Variants in ABCA13 observed in about 807,000 individuals in gnomAD.
The protein encoded by ABCA13 is ATP-binding cassette sub-family A member 13.
Under a neutral mutation model 478.7 loss-of-function variants are expected in ABCA13, and 476 were observed. The ratio of observed to expected loss-of-function variants is 0.99; its 90% CI spans 0.92 to 1.07. ABCA13 has a LOEUF of 1.07. Ranked by LOEUF, ABCA13 falls within the 50% of genes least tolerant of loss-of-function variation. ABCA13 has a pLI of 0.00. For synonymous variants in ABCA13, 2,252 were observed against 2,158.9 expected (o/e 1.04, Z -1.20); for missense variants, 6,060 against 5,910.6 (o/e 1.03, Z -0.83).
intron 34 of ABCA13, among the ~76,000 whole-genome samples, chr7:48,375,293 T>G (rs1467001707): frequency 6.6e-6 from 1 of 152,210 alleles, no homozygotes; most frequent in Non-Finnish European, 1.5e-5. Flanking sequence ...TAGATGATTG[T>G]TGACCTGGGA....
intron 27 of ABCA13, among the ~76,000 whole-genome samples, chr7:48,326,593 T>C (rs1181077367): frequency 6.6e-6 from 1 of 152,204 alleles, no homozygotes; most frequent in East Asian, 1.9e-4. Context: ...CATACACGTT[T>C]TGCAGGTAAA....
At chr7:48,499,089 A>G (rs1585602602) in intron 48 of ABCA13, among the ~76,000 whole-genome samples, 1 of 152,284 alleles carries the variant, frequency 6.6e-6, no homozygotes, top group Non-Finnish European at 1.5e-5. Context: ...TCTTTACCCT[A>G]TTTAAAAATG....
intron 16 of ABCA13, among the ~76,000 whole-genome samples, chr7:48,271,043 C>A (rs559016576): frequency 6.6e-6 from 1 of 152,156 alleles, no homozygotes; most frequent in Non-Finnish European, 1.5e-5. Context: ...CTGTCCCAGC[C>A]CTCACTGAGA....
chr7:48,600,765 T>C (rs1241548925), intron 58 of ABCA13, among the ~76,000 whole-genome samples: 1 of 152,160 alleles, frequency 6.6e-6, no homozygotes, highest in African/African-American at 2.4e-5. Flanking sequence ...CTTTATACAC[T>C]TTTAAATCTT....
intron 48 of ABCA13, among the ~76,000 whole-genome samples, chr7:48,490,184 G>C (rs1829716047): frequency 6.6e-6 from 1 of 152,028 alleles, no homozygotes; most frequent in Non-Finnish European, 1.5e-5. Context: ...AATGCTAATA[G>C]GTAATGTAAA....
chr7:48,337,148 C>T (rs1312501649), intron 28 of ABCA13, among the ~76,000 whole-genome samples: 1 of 152,128 alleles, frequency 6.6e-6, no homozygotes. Flanking sequence ...GGATCATGCT[C>T]AAGGGAACTC....
chr7:48,400,749 T>A (rs1444253858), intron 38 of ABCA13, among the ~76,000 whole-genome samples: 2 of 152,252 alleles, frequency 1.3e-5, no homozygotes, highest in East Asian at 3.9e-4. Context: ...GTTCAGACAT[T>A]GTTTTGCTGA....
At chr7:48,614,481 T>A (rs1203606707) in intron 58 of ABCA13, among the ~76,000 whole-genome samples, 2 of 151,156 alleles carry the variant, frequency 1.3e-5, no homozygotes, top group East Asian at 3.9e-4. Context: ...GTGTAGCGAT[T>A]CTTCAGGGAT....
rs765076846 is a variant in ABCA13 at position 48,455,122 on chromosome 7, C to T, written c.12651C>T (p.Arg4217=). ...CCGCGATCCTGGCCCGGAGGCTCCG[C>T]CGCACGCTGCGCGCCGGGAAGAGCA... The part of the protein sequence containing the change: ...QVAAILARRL[R]RTLRAGKSTL... Residue 4217 remains arginine (R), a synonymous_variant, in exon 43 of 62, where the codon CGC becomes CGT. Coordinates refer to ENST00000435803, the MANE Select transcript of ABCA13 (RefSeq NM_152701.5). 10 of 1,563,028 alleles carry T rather than the reference C, an allele frequency of 6.4e-6. No homozygotes were observed. The Admixed American group carries it at 1.5e-4, about 24-fold the overall frequency.
intron 31 of ABCA13, among the ~76,000 whole-genome samples, chr7:48,356,721 A>G (rs958031069): frequency 1.3e-5 from 2 of 151,926 alleles, no homozygotes; most frequent in Non-Finnish European, 2.9e-5. Context: ...GACTGTAGAG[A>G]TGGATAGGCA....
chr7:48,263,971 G>GCCCT (rs1169926205), intron 15 of ABCA13, among the ~76,000 whole-genome samples: 1 of 151,800 alleles, frequency 6.6e-6, no homozygotes, highest in African/African-American at 2.4e-5. Context: ...CCTGTCACCA[G>GCCCT]GCTACCATTG....
chr7:48,357,847 G>A (rs985963236), intron 31 of ABCA13, among the ~76,000 whole-genome samples: 3 of 151,818 alleles, frequency 2.0e-5, no homozygotes, highest in African/African-American at 7.3e-5. Context: ...GTATTTGAAA[G>A]TCTGGTATGT....
chr7:48,185,982 C>A (rs1253135580), intron 1 of ABCA13, among the ~76,000 whole-genome samples: 2 of 151,862 alleles, frequency 1.3e-5, no homozygotes, highest in Non-Finnish European at 2.9e-5. Context: ...ATAAGAATGA[C>A]AACTTTCCTT....
At chr7:48,243,854 G>A (rs779997635) in intron 10 of ABCA13, among the ~76,000 whole-genome samples, 78 of 152,176 alleles carry the variant, frequency 5.1e-4, no homozygotes, top group Non-Finnish European at 4.9e-4. Context: ...AGCTTGCTTC[G>A]TTTATCACAG....
At chr7:48,325,038 G>A (rs903666675) in intron 27 of ABCA13, among the ~76,000 whole-genome samples, 1 of 152,164 alleles carries the variant, frequency 6.6e-6, no homozygotes, top group African/African-American at 2.4e-5. Flanking sequence ...GACCTCCTCT[G>A]TCAGAGAACC....
At chr7:48,331,256 G>A (rs1342153910) in intron 27 of ABCA13, among the ~76,000 whole-genome samples, 1 of 152,158 alleles carries the variant, frequency 6.6e-6, no homozygotes. Flanking sequence ...TTAGTAGGTG[G>A]TGTATAAATG....
rs372462650 is a variant in ABCA13 at position 48,225,804 on chromosome 7, G to A, written c.469-1458G>A. On this transcript the variant is annotated intron_variant, in intron 5 of 61. Coordinates refer to ENST00000435803, the MANE Select transcript of ABCA13 (RefSeq NM_152701.5). ...CCGATAGAGGGGAAAAGAGAGAATT[G>A]CTGGATGATGCTCTTGAGGGGTGGG... Among the ~76,000 whole-genome samples, 56 of 152,300 alleles carry A rather than the reference G, an allele frequency of 3.7e-4. 1 individual carries two copies. In the South Asian group the frequency reaches 0.011, roughly 30 times the overall value.
intron 48 of ABCA13, among the ~76,000 whole-genome samples, chr7:48,498,005 T>G (rs1022525824): frequency 6.6e-6 from 1 of 152,150 alleles, no homozygotes; most frequent in African/African-American, 2.4e-5. Flanking sequence ...GAGGCTCAGC[T>G]CTTTGTTGGT....
chr7:48,354,270 T>C (rs1354119063), intron 31 of ABCA13, among the ~76,000 whole-genome samples: 1 of 152,054 alleles, frequency 6.6e-6, no homozygotes, highest in East Asian at 1.9e-4. Flanking sequence ...GATGGGAACA[T>C]GACAATTCCC....
Sources: allele counts gnomAD v4.1 joint callset (sites outside exome capture counted in the v4.1 genomes callset), GRCh38; gene constraint gnomAD v4.1.1; transcripts MANE v1.5; gene names NCBI Gene and HGNC (gene_info 2026-07-23, HGNC 2026-07-21).